The following GPAT3 variants were observed in gnomAD, a reference collection of about 807,000 sequenced individuals.
GPAT3 encodes the protein 1-AGP acyltransferase 9.
GPAT3 carries 53 observed loss-of-function variants against 58.8 expected under a neutral mutation model. The ratio of observed to expected loss-of-function variants is 0.90; its 90% CI spans 0.72 to 1.13. The LOEUF is 1.13. GPAT3 is among the 50% of genes most tolerant of loss of function. The probability of loss-of-function intolerance (pLI) is 0.00; values close to 1 mark genes in which losing one functional copy is unlikely to be tolerated. For missense variants in GPAT3, 511 were observed against 527.6 expected (o/e 0.97, Z 0.31); for synonymous variants, 197 against 187.4 (o/e 1.05, Z -0.42).
chr4:83,550,357 T>C (rs995739746), intron 2 of GPAT3, among the ~76,000 whole-genome samples: 8 of 152,110 alleles, frequency 5.3e-5, no homozygotes, highest in African/African-American at 1.9e-4. Context: ...CATGGCCAAA[T>C]GTCCCCCTGA....
intron 2 of GPAT3, among the ~76,000 whole-genome samples, chr4:83,558,714 T>C (rs1276753251): frequency 6.6e-6 from 1 of 152,146 alleles, no homozygotes; most frequent in African/African-American, 2.4e-5. Context: ...GAAAGCAAGA[T>C]TGGGTTCTGG....
Position 83,565,685 on chromosome 4 carries a change from C to T in GPAT3, c.209-15877C>T, listed in dbSNP as rs184066494. 2.2e-3 allele frequency among the ~76,000 whole-genome samples: 341 copies of T among 152,118 alleles called. 4 individuals are homozygous for T. The highest frequency in any genetic ancestry group is 7.9e-3 in the African/African-American group (328 of 41,500). ...TAATTTTTGTGTTGGGGAAACCAGC[C>T]CCACACCACCCGGTGGGTACCCCGA... is the stretch of plus-strand genomic sequence containing the variant. On this transcript the variant is annotated intron_variant, in intron 2 of 11. Coordinates refer to ENST00000264409, the MANE Select transcript of GPAT3 (RefSeq NM_032717.5).
chr4:83,557,518 TA>T (rs112560889), intron 2 of GPAT3, among the ~76,000 whole-genome samples: 24,813 of 151,580 alleles, frequency 0.16, 2,318 homozygotes, highest in East Asian at 0.31. Flanking sequence ...CTGATGAGCT[TA>T]AAAAAAAATT....
intron 11 of GPAT3, among the ~76,000 whole-genome samples, chr4:83,599,260 G>A (rs1190413530): frequency 2.6e-5 from 4 of 152,094 alleles, no homozygotes; most frequent in Non-Finnish European, 4.4e-5. Flanking sequence ...AATCTGTGTT[G>A]CTTTACTCTC....
chr4:83,591,505 A>G (rs1467521517), intron 6 of GPAT3, among the ~76,000 whole-genome samples: 1 of 152,180 alleles, frequency 6.6e-6, no homozygotes, highest in African/African-American at 2.4e-5. Flanking sequence ...TTAGGTTAGG[A>G]ATTAGTTGAT....
chr4:83,581,113 A>G lies in GPAT3; in HGVS notation c.209-449A>G, dbSNP rs908295028. Among the ~76,000 whole-genome samples the G allele has an allele frequency of 3.0e-4, 46 of 151,688 alleles. 2 individuals are homozygous for G. The South Asian group carries it at 9.4e-3, about 31-fold the overall frequency. ...TCCGTCTCAAAAAAAAAAAAAAAAA[A>G]AAAAAAAATCAACTTTTTGCCATTT... is the stretch of plus-strand genomic sequence containing the variant. On this transcript the variant is annotated intron_variant, in intron 2 of 11. Coordinates refer to ENST00000264409, the MANE Select transcript of GPAT3 (RefSeq NM_032717.5).
chr4:83,578,934 TTTCTTTTC>T (rs1725925913), intron 2 of GPAT3, among the ~76,000 whole-genome samples: 1 of 1,972 alleles, frequency 5.1e-4, no homozygotes, highest in South Asian at 0.028. Context: ...TCTTTCTTTC[TTTCTTTTC>T]TTTTCTTTTC....
At chr4:83,579,075 T>C (rs199628008) in intron 2 of GPAT3, among the ~76,000 whole-genome samples, 547 of 19,564 alleles carry the variant, frequency 0.028, 55 homozygotes, top group South Asian at 0.061. Flanking sequence ...TCTTTCTTTC[T>C]TTCTTCCCTT....
At position 83,605,383 on chromosome 4, in the gene GPAT3, C is replaced by T. The variant is rs1521532; in HGVS notation, c.*616C>T. 0.23 allele frequency: 35,685 copies of T among 152,132 alleles called. 4,853 individuals carry two copies. The highest frequency in any genetic ancestry group is 0.35 in the South Asian group (1,671 of 4,812). 9.4% of individuals were successfully genotyped at this position (152,132 alleles called of 1,614,324 possible). ...AAGTGAGTCAAAGTTAATGTGTGTG[C>T]GCATTTATATGTAGGCAGCTCGTAG... On this transcript the variant is annotated 3_prime_UTR_variant, in exon 12 of 12. Transcript: ENST00000264409.
chr4:83,543,584 A>G (rs573908982), intron 1 of GPAT3, among the ~76,000 whole-genome samples: 2 of 152,272 alleles, frequency 1.3e-5, no homozygotes, highest in East Asian at 3.9e-4. Flanking sequence ...ATGCATCTTC[A>G]TAAGTAACCA....
chr4:83,553,960 C>G (rs1303300617), intron 2 of GPAT3, among the ~76,000 whole-genome samples: 4 of 151,648 alleles, frequency 2.6e-5, no homozygotes, highest in Non-Finnish European at 5.9e-5. Flanking sequence ...AGACAATAGT[C>G]CCTTATAGTC....
intron 5 of GPAT3, 115 bp from the exon 6 acceptor site, chr4:83,590,084 C>T (rs554852077): frequency 4.9e-5 from 42 of 861,760 alleles, no homozygotes; most frequent in Non-Finnish European, 7.0e-5. Flanking sequence ...CAGAGTGAGA[C>T]GCGAAAAAAA....
chr4:83,584,463 A>G (rs1389420271), intron 3 of GPAT3, among the ~76,000 whole-genome samples: 1 of 152,244 alleles, frequency 6.6e-6, no homozygotes. Context: ...CAATGTGGTG[A>G]TGGTTGCACA....
chr4:83,575,339 C>T (rs756254452), intron 2 of GPAT3, among the ~76,000 whole-genome samples: 1 of 152,136 alleles, frequency 6.6e-6, no homozygotes, highest in African/African-American at 2.4e-5. Flanking sequence ...CTCAGACCCT[C>T]AATAGTCAAC....
chr4:83,552,776 T>C (rs1276136529), intron 2 of GPAT3, among the ~76,000 whole-genome samples: 1 of 152,286 alleles, frequency 6.6e-6, no homozygotes, highest in East Asian at 1.9e-4. Context: ...CAAATTGATA[T>C]GTTGATATGT....
chr4:83,593,484 C>G (rs1245656141), intron 6 of GPAT3, among the ~76,000 whole-genome samples: 1 of 152,010 alleles, frequency 6.6e-6, no homozygotes, highest in Non-Finnish European at 1.5e-5. Context: ...CTATTTATTT[C>G]TAATATTTAC....
intron 2 of GPAT3, among the ~76,000 whole-genome samples, chr4:83,546,125 C>T (rs1290126803): frequency 1.3e-5 from 2 of 152,134 alleles, no homozygotes; most frequent in Non-Finnish European, 2.9e-5. Context: ...GCTGGGACTA[C>T]AGGCGTGCGC....
intron 1 of GPAT3, among the ~76,000 whole-genome samples, chr4:83,538,192 C>T (rs896418915): frequency 6.6e-6 from 1 of 152,168 alleles, no homozygotes; most frequent in Non-Finnish European, 1.5e-5. Context: ...ATCTCTAACC[C>T]ACTGGACATT....
At chr4:83,570,061 T>C (rs573186891) in intron 2 of GPAT3, among the ~76,000 whole-genome samples, 15 of 152,332 alleles carry the variant, frequency 9.8e-5, no homozygotes, top group African/African-American at 3.6e-4. Context: ...GGTGTTGTAT[T>C]GACGAGAAAT....
Sources: allele counts gnomAD v4.1 joint callset (sites outside exome capture counted in the v4.1 genomes callset), GRCh38; gene constraint gnomAD v4.1.1; transcripts MANE v1.5; gene names NCBI Gene and HGNC (gene_info 2026-07-23, HGNC 2026-07-21).